KAZN: variants seen among roughly 807,000 people sequenced by gnomAD.
The protein encoded by KAZN is kazrin, periplakin interacting protein.
A neutral mutation model predicts 87.4 loss-of-function variants in KAZN; 40 were observed. The observed-to-expected ratio is 0.46, with a 90% CI of 0.36 to 0.60. The LOEUF is 0.60. Among genes scored for constraint, KAZN ranks in the 20% least tolerant of loss-of-function variants. The pLI is 0.00. For missense variants in KAZN, 898 were observed against 1,073.9 expected (o/e 0.84, Z 2.29); for synonymous variants, 466 against 458.3 (o/e 1.02, Z -0.22).
intron 2 of KAZN, among the ~76,000 whole-genome samples, chr1:14,988,952 T>C (rs1667096060): frequency 6.6e-6 from 1 of 152,208 alleles, no homozygotes; most frequent in African/African-American, 2.4e-5. Context: ...CATGACCTTG[T>C]CTGGTAGCTG....
intron 1 of KAZN, among the ~76,000 whole-genome samples, chr1:14,086,518 G>T (rs552655031): frequency 6.6e-6 from 1 of 151,946 alleles, no homozygotes; most frequent in Admixed American, 6.6e-5. Flanking sequence ...AATATTAAAA[G>T]GTTTTAATTT....
intron 1 of KAZN, among the ~76,000 whole-genome samples, chr1:14,049,035 A>G (rs1262066260): frequency 6.6e-6 from 1 of 152,210 alleles, no homozygotes; most frequent in African/African-American, 2.4e-5. Context: ...TTGCAGCACT[A>G]TTCACAATAG....
At chr1:14,965,234 G>A (rs184217750) in intron 2 of KAZN, among the ~76,000 whole-genome samples, 1 of 152,092 alleles carries the variant, frequency 6.6e-6, no homozygotes, top group Non-Finnish European at 1.5e-5. Flanking sequence ...TGCTCAGGCT[G>A]GTCTGGAACT....
chr1:14,179,738 G>T (rs1232441975), intron 1 of KAZN, among the ~76,000 whole-genome samples: 14 of 152,212 alleles, frequency 9.2e-5, no homozygotes. Flanking sequence ...TTTGCTAGGT[G>T]CTGTTCTAGT....
At chr1:14,870,818 A>C (rs1652053503) in intron 1 of KAZN, among the ~76,000 whole-genome samples, 1 of 152,196 alleles carries the variant, frequency 6.6e-6, no homozygotes, top group Admixed American at 6.5e-5. Context: ...CACTGTTCTC[A>C]TTATTACATA....
At chr1:14,609,285 A>G (rs997534416) in intron 1 of KAZN, among the ~76,000 whole-genome samples, 1 of 152,200 alleles carries the variant, frequency 6.6e-6, no homozygotes, top group Admixed American at 6.5e-5. Flanking sequence ...TTCTCGGGCA[A>G]ACATGCTCAG....
chr1:14,569,442 C>A (rs1674730996), intron 2 of KAZN, among the ~76,000 whole-genome samples: 1 of 150,728 alleles, frequency 6.6e-6, no homozygotes, highest in Non-Finnish European at 1.5e-5. Context: ...CCTGCCTCAG[C>A]CTCCCGAGTA....
intron 1 of KAZN, among the ~76,000 whole-genome samples, chr1:13,930,285 C>G (rs1640457548): frequency 6.6e-6 from 1 of 152,184 alleles, no homozygotes; most frequent in Non-Finnish European, 1.5e-5. Flanking sequence ...AAAGGACAAG[C>G]CCCGGGGAAG....
intron 1 of KAZN, among the ~76,000 whole-genome samples, chr1:13,905,693 A>C (rs542288977): frequency 6.6e-6 from 1 of 152,270 alleles, no homozygotes; most frequent in South Asian, 2.1e-4. Flanking sequence ...TCTAGCATTC[A>C]TTTTACAAGA....
chr1:14,352,881 A>G (rs1195192846), intron 2 of KAZN, among the ~76,000 whole-genome samples: 25 of 152,248 alleles, frequency 1.6e-4, no homozygotes. Flanking sequence ...AAAATCATTT[A>G]ATGAAATTTA....
chr1:14,664,812 C>T (rs1188726437), intron 1 of KAZN, among the ~76,000 whole-genome samples: 1 of 152,036 alleles, frequency 6.6e-6, no homozygotes, highest in East Asian at 1.9e-4. Context: ...CACCACCACG[C>T]CTGGCTAATT....
intron 1 of KAZN, among the ~76,000 whole-genome samples, chr1:14,871,183 C>G (rs1572695615): frequency 6.6e-6 from 1 of 152,340 alleles, no homozygotes. Context: ...AGTCCTGCAC[C>G]TCCTCACGAT....
intron 1 of KAZN, among the ~76,000 whole-genome samples, chr1:13,996,903 C>T (rs560658025): frequency 1.1e-4 from 16 of 152,104 alleles, no homozygotes; most frequent in Non-Finnish European, 1.8e-4. Flanking sequence ...CCCAACTGGA[C>T]GAGACCCTCC....
intron 1 of KAZN, among the ~76,000 whole-genome samples, chr1:14,746,912 T>C (rs754208066): frequency 1.1e-4 from 16 of 152,334 alleles, no homozygotes; most frequent in East Asian, 1.9e-4. Flanking sequence ...TAGCTTTCAA[T>C]AGAGTATTGT....
intron 4 of KAZN, among the ~76,000 whole-genome samples, chr1:15,046,497 C>T (rs942520439): frequency 2.0e-5 from 3 of 152,128 alleles, no homozygotes; most frequent in Non-Finnish European, 4.4e-5. Flanking sequence ...CCCACGCACC[C>T]ATGCCGTCCA....
chr1:14,381,099 C>G, intron 2 of KAZN, among the ~76,000 whole-genome samples: 1 of 152,094 alleles, frequency 6.6e-6, no homozygotes, highest in East Asian at 1.9e-4. Context: ...ATTGCCAAGC[C>G]ACCACTGGAG....
intron 2 of KAZN, among the ~76,000 whole-genome samples, chr1:14,250,085 C>G (rs1649875406): frequency 6.6e-6 from 1 of 151,968 alleles, no homozygotes; most frequent in Non-Finnish European, 1.5e-5. Flanking sequence ...TTTAACCATC[C>G]CTTCCATTAT....
intron 2 of KAZN, among the ~76,000 whole-genome samples, chr1:14,226,399 T>C (rs1239945294): frequency 6.6e-6 from 1 of 152,140 alleles, no homozygotes; most frequent in African/African-American, 2.4e-5. Context: ...AAATGGCTAT[T>C]ACTAAAAAGT....
chr1:14,000,390 A>G (rs566391201), intron 1 of KAZN, among the ~76,000 whole-genome samples: 238 of 152,370 alleles, frequency 1.6e-3, no homozygotes, highest in Non-Finnish European at 2.3e-3. Flanking sequence ...GGCTGGTTCA[A>G]CATACACAAA....
Sources: allele counts gnomAD v4.1 joint callset (sites outside exome capture counted in the v4.1 genomes callset), GRCh38; gene constraint gnomAD v4.1.1; transcripts MANE v1.5; gene names NCBI Gene and HGNC (gene_info 2026-07-23, HGNC 2026-07-21).